The following RHOBTB1 variants were observed in gnomAD, a reference collection of about 807,000 sequenced individuals.
The protein encoded by RHOBTB1 is Rho related BTB domain containing 1, also known as rho-related BTB domain-containing protein 1.
Under a neutral mutation model 71.6 loss-of-function variants are expected in RHOBTB1, and 40 were observed. That is an observed-to-expected ratio of 0.56 (90% CI 0.43 to 0.73). RHOBTB1 has a LOEUF of 0.73. Ranked by LOEUF, RHOBTB1 falls within the 30% of genes least tolerant of loss-of-function variation. The probability of loss-of-function intolerance (pLI) is 0.00; values close to 1 mark genes in which losing one functional copy is unlikely to be tolerated. For synonymous variants in RHOBTB1, 319 were observed against 334.9 expected, an observed-to-expected ratio of 0.95 and a Z score of 0.52; for missense variants, 797 against 894.0, an observed-to-expected ratio of 0.89 and a Z score of 1.38.
intron 2 of RHOBTB1, among the ~76,000 whole-genome samples, chr10:60,932,918 C>A (rs192342760): frequency 6.6e-6 from 1 of 152,276 alleles, no homozygotes; most frequent in East Asian, 1.9e-4. Context: ...AAGATGTTAC[C>A]GAGTTAGCTT....
intron 2 of RHOBTB1, among the ~76,000 whole-genome samples, chr10:60,985,405 C>A (rs1386554410): frequency 6.6e-6 from 1 of 152,116 alleles, no homozygotes; most frequent in Non-Finnish European, 1.5e-5. Flanking sequence ...CCAAAAAGGG[C>A]GGATGCTCCA....
chr10:60,992,846 G>A (rs958855206), intron 1 of RHOBTB1, among the ~76,000 whole-genome samples: 3 of 152,114 alleles, frequency 2.0e-5, no homozygotes. Flanking sequence ...AAATAAAGCT[G>A]TCAATGTGAT....
rs1247864440 is a variant in RHOBTB1 at position 60,914,618 on chromosome 10, C to A, written c.-10-3066G>T. On this transcript the variant is annotated intron_variant, in intron 2 of 10. Coordinates refer to ENST00000337910, the MANE Select transcript of RHOBTB1 (RefSeq NM_014836.5). ...GCTTGCAAACTAGCCCTGATAGCAG[C>A]CCCCAAGAAGGAATCCCCCAAATAA... Among the ~76,000 whole-genome samples the A allele has an allele frequency of 3.1e-4, 47 of 152,054 alleles. 1 individual carries two copies. Among genetic ancestry groups the A allele is most frequent in the Non-Finnish European group, 2.9e-5 (2 of 68,016 alleles).
intron 2 of RHOBTB1, among the ~76,000 whole-genome samples, chr10:60,961,117 C>T (rs1163638834): frequency 6.6e-6 from 1 of 151,988 alleles, no homozygotes; most frequent in Non-Finnish European, 1.5e-5. Flanking sequence ...CTCAAAGGAC[C>T]CTGGGGCTTC....
At chr10:60,980,176 G>T (rs1319134642) in intron 2 of RHOBTB1, among the ~76,000 whole-genome samples, 3 of 152,134 alleles carry the variant, frequency 2.0e-5, no homozygotes, top group Non-Finnish European at 4.4e-5. Context: ...TCAACTCTCC[G>T]CTTTGCATTA....
chr10:60,965,431 G>A (rs2085923889), intron 2 of RHOBTB1, among the ~76,000 whole-genome samples: 1 of 152,036 alleles, frequency 6.6e-6, no homozygotes, highest in South Asian at 2.1e-4. Flanking sequence ...AAGCTAGCAT[G>A]TAGTAGATTT....
intron 7 of RHOBTB1, among the ~76,000 whole-genome samples, chr10:60,881,226 CTG>C (rs1404940639): frequency 6.6e-6 from 1 of 152,316 alleles, no homozygotes; most frequent in East Asian, 1.9e-4. Context: ...CCATGTGGAA[CTG>C]TGAGTCCATT....
intron 2 of RHOBTB1, among the ~76,000 whole-genome samples, chr10:60,919,497 G>A (rs371010476): frequency 6.6e-6 from 1 of 152,206 alleles, no homozygotes; most frequent in South Asian, 2.1e-4. Flanking sequence ...TAGACCCAGA[G>A]CCGGGAAAGA....
At chr10:60,982,607 C>A (rs2086537313) in intron 2 of RHOBTB1, among the ~76,000 whole-genome samples, 1 of 152,080 alleles carries the variant, frequency 6.6e-6, no homozygotes, top group African/African-American at 2.4e-5. Flanking sequence ...ATCGTTATAG[C>A]CAAAACAATC....
rs746783794 is a variant in RHOBTB1 at position 60,889,007 on chromosome 10, G to A, written c.661C>T (p.Leu221=). 4 of 1,614,138 alleles carry A rather than the reference G, an allele frequency of 2.5e-6. No individual in the cohort carries two copies. The South Asian group carries it at 4.4e-5, about 18-fold the overall frequency. ...RRHLQFWKSH[L]KKVQKPLLQA... Reference sequence around the variant, plus strand: ...AGTAAAGGTTTCTGGACTTTCTTTAGGTGGGATTTCCAGAATTGCAGGTGC... The same window carrying A: ...AGTAAAGGTTTCTGGACTTTCTTTAAGTGGGATTTCCAGAATTGCAGGTGC... Residue 221 remains leucine, a synonymous_variant, in exon 6 of 11, where the codon CTA becomes TTA. Coordinates refer to ENST00000337910, the MANE Select transcript of RHOBTB1 (RefSeq NM_014836.5).
At chr10:60,930,854 A>T (rs1005048959) in intron 2 of RHOBTB1, among the ~76,000 whole-genome samples, 22 of 151,852 alleles carry the variant, frequency 1.4e-4, no homozygotes, top group African/African-American at 5.3e-4. Context: ...TGCTTGTCTT[A>T]TTGGCATTCC....
At chr10:60,994,747 A>T (rs2086988840) in intron 1 of RHOBTB1, among the ~76,000 whole-genome samples, 1 of 152,122 alleles carries the variant, frequency 6.6e-6, no homozygotes, top group Non-Finnish European at 1.5e-5. Flanking sequence ...TAAATAAAAA[A>T]TAACTGTCAT....
chr10:60,970,470 C>T (rs1238651177), intron 2 of RHOBTB1, among the ~76,000 whole-genome samples: 1 of 151,972 alleles, frequency 6.6e-6, no homozygotes, highest in Non-Finnish European at 1.5e-5. Context: ...CCATATAATT[C>T]AGATCGGTAT....
the RHOBTB1 span, among the ~76,000 whole-genome samples, chr10:60,860,993 A>G: frequency 5.3e-5 from 8 of 152,216 alleles, no homozygotes; most frequent in Non-Finnish European, 1.2e-4. Context: ...AGATGAATTG[A>G]AATTATTTGT....
chr10:60,871,453 T>C lies in RHOBTB1; in HGVS notation c.*29A>G. On this transcript the variant is annotated 3_prime_UTR_variant, in exon 11 of 11. Coordinates refer to ENST00000337910, the MANE Select transcript of RHOBTB1 (RefSeq NM_014836.5). ...TGGTGGATCAGATTACCGATTGGTT[T>C]CTGTTTTTTGTTTTTTTTCTCTTCC... The C allele has an allele frequency of 1.2e-6, 2 of 1,607,150 alleles. No individual in the cohort carries two copies. Among genetic ancestry groups the C allele is most frequent in the Non-Finnish European group, 1.7e-6 (2 of 1,176,506 alleles).
chr10:60,861,173 G>A, the RHOBTB1 span, among the ~76,000 whole-genome samples: 1 of 152,208 alleles, frequency 6.6e-6, no homozygotes. Context: ...AGATGAGAAA[G>A]TCAGTTGGGA....
At chr10:60,964,803 A>T (rs1391632700) in intron 2 of RHOBTB1, among the ~76,000 whole-genome samples, 2 of 152,138 alleles carry the variant, frequency 1.3e-5, no homozygotes, top group Non-Finnish European at 2.9e-5. Flanking sequence ...AAGCTTCAAT[A>T]ATTTCAAGTG....
chr10:60,931,689 G>GT (rs2084265132), intron 2 of RHOBTB1, among the ~76,000 whole-genome samples: 1 of 151,934 alleles, frequency 6.6e-6, no homozygotes, highest in Non-Finnish European at 1.5e-5. Context: ...CACATAAATT[G>GT]TTTTTTCAAA....
At chr10:60,946,424 G>A (rs184653457), upstream of RHOBTB1, among the ~76,000 whole-genome samples, 642 of 152,298 alleles carry the variant, frequency 4.2e-3, 1 homozygote, top group Non-Finnish European at 7.1e-3. Flanking sequence ...GCCCTCATAT[G>A]TGGGGGGGCA....
Sources: gnomAD v4.1 joint callset for allele counts (sites outside exome capture counted in the v4.1 genomes callset) on GRCh38, gnomAD v4.1.1 for gene constraint, MANE v1.5 for transcripts, NCBI Gene and HGNC (gene_info 2026-07-23, HGNC 2026-07-21) for gene names.